The following DIP2C variants were observed in gnomAD, a reference collection of about 807,000 sequenced individuals.
DIP2C encodes the protein DIP2 acetate--CoA ligase C (putative), also known as disco-interacting protein 2 homolog C.
In DIP2C, 33 loss-of-function variants were observed where a neutral mutation model predicts 192.4. The observed-to-expected ratio is 0.17, with a 90% CI of 0.13 to 0.23. DIP2C has a LOEUF of 0.23. DIP2C is among the 10% of genes least tolerant of loss of function. The probability of loss-of-function intolerance (pLI) is 1.00; values close to 1 mark genes in which losing one functional copy is unlikely to be tolerated. For missense variants in DIP2C, 1,537 were observed against 2,110.1 expected, an observed-to-expected ratio of 0.73 and a Z score of 5.32; for synonymous variants, 979 against 864.1, an observed-to-expected ratio of 1.13 and a Z score of -2.33.
intron 24 of DIP2C, among the ~76,000 whole-genome samples, chr10:355,404 T>C (rs1959034977): frequency 6.6e-6 from 1 of 152,252 alleles, no homozygotes; most frequent in Non-Finnish European, 1.5e-5. Context: ...AATTTCGTGA[T>C]GCTGCTGGCA....
At chr10:671,485 A>G (rs1830637614) in intron 1 of DIP2C, among the ~76,000 whole-genome samples, 1 of 120,606 alleles carries the variant, frequency 8.3e-6, no homozygotes, top group Non-Finnish European at 1.7e-5. Flanking sequence ...AGGAAACGCC[A>G]CAGACGCACG....
intron 1 of DIP2C, among the ~76,000 whole-genome samples, chr10:600,014 C>T (rs1588562817): frequency 6.6e-6 from 1 of 152,158 alleles, no homozygotes; most frequent in Non-Finnish European, 1.5e-5. Flanking sequence ...CTCATGCCAG[C>T]GGGCATCCAG....
chr10:414,739 G>GTGTGTGTGTATATATATATATATA lies in DIP2C; in HGVS notation c.860-630_860-629insTATATATATATATATACACACACA. On this transcript the variant is annotated intron_variant, in intron 7 of 36. Transcript: ENST00000280886. ...TGTGTGTGTGTGTGTGTGTGTGTGT[G>GTGTGTGTGTATATATATATATATA]TACATATATATATATATAATGTGTA... 6.1e-4 allele frequency among the ~76,000 whole-genome samples: 55 copies of GTGTGTGTGTATATATATATATATA among 90,532 alleles called. 1 individual carries two copies. Among genetic ancestry groups the GTGTGTGTGTATATATATATATATA allele is most frequent in the African/African-American group, 9.9e-4 (22 of 22,230 alleles). 59.4% of individuals were successfully genotyped at this position (90,532 alleles called of 152,430 possible).
chr10:337,063 T>TGTGTGC (rs1957833584), intron 29 of DIP2C, among the ~76,000 whole-genome samples: 1 of 126,542 alleles, frequency 7.9e-6, no homozygotes, highest in Non-Finnish European at 1.7e-5. Flanking sequence ...TGTGTGTGTG[T>TGTGTGC]GTGTGTGTGT....
chr10:427,743 TAAA>T (rs1307461945), intron 4 of DIP2C, among the ~76,000 whole-genome samples: 1 of 152,098 alleles, frequency 6.6e-6, no homozygotes, highest in Non-Finnish European at 1.5e-5. Context: ...ATGGCAAAAA[TAAA>T]AATACCAAAA....
rs10685439 is a variant in DIP2C, at chr10:615,632, C to CCA, written c.85+73860_85+73861dup. Among the ~76,000 whole-genome samples, 315 of 151,650 alleles carry CCA rather than the reference C, an allele frequency of 2.1e-3. 2 individuals carry two copies. The highest frequency in any genetic ancestry group is 4.2e-3 in the African/African-American group (174 of 41,340). ...GTTCATATACACACACACACCCGCC[C>CCA]CACACACACACACAGGGTTTGCTTA... On this transcript the variant is annotated intron_variant, in intron 1 of 36. Transcript: ENST00000280886.
In DIP2C at chr10:636,623, C is replaced by G. The variant is rs1316527027; in HGVS notation, c.85+52871G>C. On this transcript the variant is annotated intron_variant, in intron 1 of 36. Transcript: ENST00000280886. This position sits in a 1 kb window ranked among gnomAD's most constrained non-coding sequence, Gnocchi z 4.6. ...TTATATTCAATAAGCACAATTCTCC[C>G]GAAAACGTCTTTTCTATCTGGGCCA... Among the ~76,000 whole-genome samples, 1 of 152,202 alleles carries G rather than the reference C, an allele frequency of 6.6e-6. No individual in the cohort carries two copies. Among genetic ancestry groups the G allele is most frequent in the African/African-American group, 2.4e-5 (1 of 41,448 alleles).
At chr10:463,909 T>C (rs960770108) in intron 3 of DIP2C, among the ~76,000 whole-genome samples, 1 of 152,180 alleles carries the variant, frequency 6.6e-6, no homozygotes, top group African/African-American at 2.4e-5. Flanking sequence ...ATTCCCTATT[T>C]AATAAATGGT....
At chr10:387,489 C>T (rs576320890) in intron 14 of DIP2C, among the ~76,000 whole-genome samples, 7 of 113,284 alleles carry the variant, frequency 6.2e-5, no homozygotes, top group Admixed American at 2.0e-4. Flanking sequence ...ACAGGCAGTG[C>T]GGGCGGCGGG....
Position 382,586 on chromosome 10 carries a change from C to T in DIP2C, c.1991+61G>A, listed in dbSNP as rs1374850578. On this transcript the variant is annotated intron_variant, in intron 17 of 36. Transcript: ENST00000280886. ...TCAACTGTTAGGATTTCCTGATCTC[C>T]CTTCGCTGCTGAATTAGGACTGTCT... 7.5e-6 allele frequency: 10 copies of T among 1,340,724 alleles called. No individual in the cohort carries two copies. In the South Asian group the frequency reaches 1.2e-4, roughly 17 times the overall value. The allele number at this position is 1,340,724 out of a possible 1,614,324, so 83.1% of individuals were successfully genotyped here. A position where few individuals can be genotyped will look rare whatever the true frequency, so the allele number is the denominator to read the frequency against.
At chr10:284,979 G>T (rs879766193) in intron 34 of DIP2C, among the ~76,000 whole-genome samples, 1 of 152,146 alleles carries the variant, frequency 6.6e-6, no homozygotes, top group African/African-American at 2.4e-5. Context: ...CCCAGCCTAC[G>T]TCTCGGGCAG....
chr10:390,764 T>C lies in DIP2C; in HGVS notation c.1360A>G (p.Thr454Ala), dbSNP rs770126915. 1.1e-5 allele frequency: 18 copies of C among 1,614,054 alleles called. No homozygotes were observed. The Admixed American group carries it at 1.3e-4, about 12-fold the overall frequency. ...CCTTTAAACTGTGGGATCTCTCCCG[T>C]TGGGCTTTTTGGAAGTCCTTTATGG... ...ACHKGLPKSP[T>A]GEIPQFKGWP... Residue 454 changes from threonine to alanine, a missense_variant, in exon 11 of 37, where the codon ACG becomes GCG. By Grantham distance (58) the Thr-to-Ala change is moderately conservative. Coordinates refer to ENST00000280886, the MANE Select transcript of DIP2C (RefSeq NM_014974.3).
intron 1 of DIP2C, among the ~76,000 whole-genome samples, chr10:505,704 G>A (rs1845555488): frequency 6.6e-6 from 1 of 150,688 alleles, no homozygotes; most frequent in Non-Finnish European, 1.5e-5. Flanking sequence ...CGCCACAGGA[G>A]ATGGGGACCA....
At chr10:567,660 GT>G (rs1292236460) in intron 1 of DIP2C, among the ~76,000 whole-genome samples, 1 of 152,182 alleles carries the variant, frequency 6.6e-6, no homozygotes, top group Non-Finnish European at 1.5e-5. Flanking sequence ...TTGTTTTTCT[GT>G]GACAGTCTCG....
chr10:531,368 G>T (rs528314760), intron 1 of DIP2C, among the ~76,000 whole-genome samples: 5 of 151,888 alleles, frequency 3.3e-5, no homozygotes, highest in Non-Finnish European at 5.9e-5. Context: ...CCTCCTGAGG[G>T]GCGTGTGCTT....
At chr10:637,469 G>A (rs748669249) in intron 1 of DIP2C, among the ~76,000 whole-genome samples, 15 of 152,230 alleles carry the variant, frequency 9.9e-5, no homozygotes, top group Non-Finnish European at 2.1e-4. Flanking sequence ...TTTGTCTGGT[G>A]AGGGCTTCCT....
intron 1 of DIP2C, among the ~76,000 whole-genome samples, chr10:544,033 C>T (rs144968484): frequency 2.0e-5 from 3 of 152,248 alleles, no homozygotes; most frequent in Non-Finnish European, 4.4e-5. Context: ...ACCTTTGGTG[C>T]CAGCATCTTT....
intron 1 of DIP2C, among the ~76,000 whole-genome samples, chr10:619,528 A>AGCTCGCCCGCCCGCCC (rs1853711345): frequency 7.7e-6 from 1 of 129,714 alleles, no homozygotes; most frequent in South Asian, 2.6e-4. Flanking sequence ...GCCAGGACCA[A>AGCTCGCCCGCCCGCCC]GCCCGCCCGC....
intron 9 of DIP2C, among the ~76,000 whole-genome samples, chr10:403,210 A>T (rs369016610): frequency 0.086 from 107 of 1,240 alleles, 39 homozygotes; most frequent in Admixed American, 0.13. Flanking sequence ...ATTTTACATG[A>T]GTGGTAGCAT....
Sources: gnomAD v4.1 joint callset for allele counts (sites outside exome capture counted in the v4.1 genomes callset) on GRCh38, gnomAD v4.1.1 for gene constraint, Gnocchi (gnomAD v3.1) non-coding constraint, MANE v1.5 for transcripts, NCBI Gene and HGNC (gene_info 2026-07-23, HGNC 2026-07-21) for gene names.